The following CTNNA2 variants were observed in gnomAD, a reference collection of about 807,000 sequenced individuals.
CTNNA2 encodes the protein catenin alpha 2, also known as catenin alpha-2.
Under a neutral mutation model 101.0 loss-of-function variants are expected in CTNNA2, and 42 were observed. The ratio of observed to expected loss-of-function variants is 0.42; its 90% CI spans 0.32 to 0.54. CTNNA2 has a LOEUF of 0.54. Among genes scored for constraint, CTNNA2 ranks in the 20% least tolerant of loss-of-function variants. The pLI is 0.14. For synonymous variants in CTNNA2, 450 were observed against 456.4 expected (o/e 0.99, Z 0.18); for missense variants, 871 against 1,223.1 (o/e 0.71, Z 4.29).
At chr2:80,257,392 A>G (rs1313133679) in intron 7 of CTNNA2, among the ~76,000 whole-genome samples, 3 of 152,138 alleles carry the variant, frequency 2.0e-5, no homozygotes, top group African/African-American at 7.2e-5. Flanking sequence ...AATGAGACCA[A>G]CCCTAGAGCA....
intron 7 of CTNNA2, among the ~76,000 whole-genome samples, chr2:80,300,393 AAG>A (rs1260497456): frequency 1.3e-5 from 2 of 150,824 alleles, no homozygotes; most frequent in East Asian, 3.9e-4. Context: ...TTTCTCTTGA[AAG>A]AGACTCTTAG....
At chr2:79,439,832 G>A (rs1446303260) in intron 4 of CTNNA2, among the ~76,000 whole-genome samples, 2 of 152,128 alleles carry the variant, frequency 1.3e-5, no homozygotes. Context: ...GTTGGGTGGG[G>A]CAATATGTTT....
chr2:80,448,280 G>A (rs1245119393), intron 9 of CTNNA2, among the ~76,000 whole-genome samples: 2 of 152,154 alleles, frequency 1.3e-5, no homozygotes, highest in East Asian at 1.9e-4. Flanking sequence ...GGAGGAGTGG[G>A]TATTTTAGGG....
chr2:79,336,716 G>A (rs992057483), intron 3 of CTNNA2, among the ~76,000 whole-genome samples: 6 of 152,076 alleles, frequency 3.9e-5, no homozygotes, highest in Non-Finnish European at 2.9e-5. Flanking sequence ...ACCCCTCCCT[G>A]GAATCCAGGA....
chr2:79,316,824 T>C (rs981268641), intron 3 of CTNNA2, among the ~76,000 whole-genome samples: 4 of 152,010 alleles, frequency 2.6e-5, no homozygotes, highest in African/African-American at 9.7e-5. Flanking sequence ...AAGATTTTTC[T>C]ATATACGAGA....
At chr2:79,807,857 T>C (rs541022012) in intron 3 of CTNNA2, among the ~76,000 whole-genome samples, 1 of 152,318 alleles carries the variant, frequency 6.6e-6, no homozygotes, top group Admixed American at 6.5e-5. Flanking sequence ...TCTAGTATGG[T>C]AACTGGATTT....
intron 3 of CTNNA2, among the ~76,000 whole-genome samples, chr2:79,353,075 T>A (rs1415536404): frequency 6.6e-6 from 1 of 152,110 alleles, no homozygotes. Context: ...TCCAATCACC[T>A]CCCACCAGGA....
intron 7 of CTNNA2, among the ~76,000 whole-genome samples, chr2:80,356,185 G>T (rs567722042): frequency 6.6e-6 from 1 of 152,110 alleles, no homozygotes; most frequent in Non-Finnish European, 1.5e-5. Flanking sequence ...TTGACCAATG[G>T]TTAGTGATAA....
intron 15 of CTNNA2, among the ~76,000 whole-genome samples, chr2:80,590,862 A>C (rs1696426933): frequency 6.6e-6 from 1 of 152,180 alleles, no homozygotes; most frequent in African/African-American, 2.4e-5. Flanking sequence ...AGCAGGAAAA[A>C]AGTCTGAGCC....
intron 9 of CTNNA2, among the ~76,000 whole-genome samples, chr2:80,481,493 G>A (rs1238026939): frequency 6.6e-6 from 1 of 152,054 alleles, no homozygotes; most frequent in Non-Finnish European, 1.5e-5. Flanking sequence ...TATGAATAAT[G>A]TTTGTTTTAA....
intron 2 of CTNNA2, among the ~76,000 whole-genome samples, chr2:79,680,670 C>T (rs1683503099): frequency 6.6e-6 from 1 of 152,150 alleles, no homozygotes; most frequent in African/African-American, 2.4e-5. Flanking sequence ...ACTATTGATT[C>T]AAAAGAGTTC....
At chr2:79,730,062 A>C (rs191439800) in intron 2 of CTNNA2, among the ~76,000 whole-genome samples, 8 of 152,252 alleles carry the variant, frequency 5.3e-5, no homozygotes, top group African/African-American at 1.7e-4. Flanking sequence ...TATTATATGT[A>C]AAATGAGACA....
intron 2 of CTNNA2, among the ~76,000 whole-genome samples, chr2:79,278,434 G>C (rs780655669): frequency 2.0e-5 from 3 of 151,990 alleles, no homozygotes; most frequent in Non-Finnish European, 4.4e-5. Flanking sequence ...TTATTGTATT[G>C]TAGGGACAGC....
At chr2:80,631,910 A>G (rs901317618) in intron 18 of CTNNA2, among the ~76,000 whole-genome samples, 1 of 152,108 alleles carries the variant, frequency 6.6e-6, no homozygotes, top group African/African-American at 2.4e-5. Flanking sequence ...GAATTAAGTG[A>G]TAGTAGCATA....
At chr2:80,550,001 G>C (rs1692427950) in intron 11 of CTNNA2, among the ~76,000 whole-genome samples, 2 of 152,122 alleles carry the variant, frequency 1.3e-5, no homozygotes, top group Non-Finnish European at 2.9e-5. Context: ...CACCAAGTAT[G>C]GTCTTCTGAC....
chr2:79,390,769 T>C (rs998284547), intron 4 of CTNNA2, among the ~76,000 whole-genome samples: 2 of 152,164 alleles, frequency 1.3e-5, no homozygotes, highest in Admixed American at 6.6e-5. Flanking sequence ...TGGATCCTTG[T>C]AAACCATCAA....
At chr2:80,605,324 T>G (rs1051262533) in intron 16 of CTNNA2, 13 of 152,108 alleles carry the variant, frequency 8.5e-5, no homozygotes, top group African/African-American at 3.1e-4. Flanking sequence ...GCAATAGTGA[T>G]TTACAGTTTG....
intron 7 of CTNNA2, among the ~76,000 whole-genome samples, chr2:80,252,239 G>A (rs997572171): frequency 9.6e-4 from 146 of 152,216 alleles, no homozygotes; most frequent in African/African-American, 3.5e-3. Flanking sequence ...ACAGAACCTT[G>A]CACATAGTTA....
chr2:79,768,127 T>TGGGTA (rs1276163980), intron 3 of CTNNA2, among the ~76,000 whole-genome samples: 2 of 151,834 alleles, frequency 1.3e-5, no homozygotes, highest in Admixed American at 1.3e-4. Flanking sequence ...GCTCCCTCTG[T>TGGGTA]GGGTAGGTAT....
Sources: allele counts gnomAD v4.1 joint callset (sites outside exome capture counted in the v4.1 genomes callset), GRCh38; gene constraint gnomAD v4.1.1; transcripts MANE v1.5; gene names NCBI Gene and HGNC (gene_info 2026-07-23, HGNC 2026-07-21).